VWC2: variants seen among roughly 807,000 people sequenced by gnomAD.
VWC2 encodes brorin.
Under a neutral mutation model 29.8 loss-of-function variants are expected in VWC2, and 14 were observed. That is an observed-to-expected ratio of 0.47 (90% CI 0.31 to 0.74). VWC2 has a LOEUF of 0.74. VWC2 is among the 30% of genes least tolerant of loss of function. The pLI, the probability that VWC2 is intolerant of heterozygous loss-of-function variation, is 0.05. For missense variants in VWC2, 457 were observed against 459.8 expected (o/e 0.99, Z 0.05); for synonymous variants, 213 against 199.0 (o/e 1.07, Z -0.59).
At chr7:49,881,760 A>G (rs1791672565) in intron 3 of VWC2, among the ~76,000 whole-genome samples, 1 of 152,144 alleles carries the variant, frequency 6.6e-6, no homozygotes, top group South Asian at 2.1e-4. Context: ...TCTTTAATTC[A>G]TCTCTTTTAA....
intron 2 of VWC2, among the ~76,000 whole-genome samples, chr7:49,781,269 T>C (rs1788171908): frequency 6.6e-6 from 1 of 151,928 alleles, no homozygotes; most frequent in Admixed American, 6.6e-5. Context: ...AAAGAGGGAG[T>C]CATATGCCAT....
intron 3 of VWC2, among the ~76,000 whole-genome samples, chr7:49,825,094 A>C (rs1461984701): frequency 1.3e-5 from 2 of 151,954 alleles, no homozygotes; most frequent in Non-Finnish European, 2.9e-5. Flanking sequence ...GCTTATCTTC[A>C]AGTTGATTAA....
At chr7:49,834,189 T>C (rs1789603006) in intron 3 of VWC2, among the ~76,000 whole-genome samples, 1 of 152,182 alleles carries the variant, frequency 6.6e-6, no homozygotes, top group Admixed American at 6.5e-5. Flanking sequence ...AGGGCTGTTC[T>C]GGTTAGCTGA....
intron 3 of VWC2, among the ~76,000 whole-genome samples, chr7:49,882,519 A>G (rs1791711911): frequency 6.6e-6 from 1 of 152,074 alleles, no homozygotes. Context: ...AGAGAAAAAG[A>G]GAGACAGAGG....
In VWC2 at chr7:49,862,035, A is replaced by G. The variant is rs575699399; in HGVS notation, c.827-49999A>G. Among the ~76,000 whole-genome samples the G allele has an allele frequency of 6.2e-4, 94 of 152,318 alleles. 3 individuals are homozygous for G. In the South Asian group the frequency reaches 0.019, roughly 31 times the overall value. On this transcript the variant is annotated intron_variant, in intron 3 of 3. Coordinates refer to ENST00000340652, the MANE Select transcript of VWC2 (RefSeq NM_198570.5). ...AAAAAATGGTTGTTGGAATTTTGAA[A>G]GGGATTGTATTGACTCTGTAGATTT... is the stretch of plus-strand genomic sequence containing the variant.
At chr7:49,894,902 A>G (rs1056986479) in intron 3 of VWC2, among the ~76,000 whole-genome samples, 1 of 152,250 alleles carries the variant, frequency 6.6e-6, no homozygotes, top group Non-Finnish European at 1.5e-5. Context: ...CGCCGAACAC[A>G]GCCTCTGCAT....
At chr7:49,860,232 G>A (rs1362898309) in intron 3 of VWC2, among the ~76,000 whole-genome samples, 4 of 151,978 alleles carry the variant, frequency 2.6e-5, no homozygotes, top group Admixed American at 6.5e-5. Context: ...GAAACCCTCC[G>A]CCTGTTAAGT....
At chr7:49,891,899 A>G (rs893106154) in intron 3 of VWC2, among the ~76,000 whole-genome samples, 1 of 152,244 alleles carries the variant, frequency 6.6e-6, no homozygotes, top group African/African-American at 2.4e-5. Flanking sequence ...GTAAATATCT[A>G]TCAAGAGTAG....
chr7:49,775,852 C>G lies in VWC2; in HGVS notation c.417C>G (p.Pro139=), dbSNP rs1269433061. 6.4e-7 allele frequency: 1 copy of G among 1,552,340 alleles called. No homozygotes were observed. Among genetic ancestry groups the G allele is most frequent in the Non-Finnish European group, 8.7e-7 (1 of 1,148,968 alleles). The change falls in exon 2 of 4, where the codon CCC becomes CCG. Residue 139 remains proline, a synonymous_variant. Coordinates refer to ENST00000340652, the MANE Select transcript of VWC2 (RefSeq NM_198570.5). The part of the protein sequence containing the change: ...DAIGPELAPT[P]EPPEEYVYPD... The stretch of plus-strand genomic sequence containing the variant: ...TTGGCCCGGAACTCGCGCCCACGCC[C>G]GAGCCACCCGAGGAGTACGTGTACC...
chr7:49,839,868 T>A (rs1361842404), intron 3 of VWC2, among the ~76,000 whole-genome samples: 1 of 152,232 alleles, frequency 6.6e-6, no homozygotes, highest in Non-Finnish European at 1.5e-5. Flanking sequence ...GTTAGAAGCA[T>A]TCAAAGAAGA....
intron 2 of VWC2, among the ~76,000 whole-genome samples, chr7:49,781,357 A>G (rs1278300906): frequency 6.6e-6 from 1 of 152,188 alleles, no homozygotes. Flanking sequence ...CATGTTCCAT[A>G]CAATATCTGA....
intron 1 of VWC2, among the ~76,000 whole-genome samples, chr7:49,774,631 G>A (rs1788011966): frequency 1.3e-5 from 2 of 152,182 alleles, no homozygotes; most frequent in Admixed American, 1.3e-4. Flanking sequence ...CGGCGACCTG[G>A]CTCCCAAGGC....
chr7:49,897,795 GA>G (rs1792463323), intron 3 of VWC2, among the ~76,000 whole-genome samples: 1 of 152,180 alleles, frequency 6.6e-6, no homozygotes, highest in Admixed American at 6.5e-5. Flanking sequence ...GGACAAGCTT[GA>G]AAGTAAAAAA....
intron 3 of VWC2, among the ~76,000 whole-genome samples, chr7:49,806,538 A>G (rs963882538): frequency 6.6e-6 from 1 of 152,210 alleles, no homozygotes; most frequent in Non-Finnish European, 1.5e-5. Flanking sequence ...AAAGTGAAAA[A>G]CATTTATGAC....
intron 3 of VWC2, among the ~76,000 whole-genome samples, chr7:49,869,574 A>T (rs1369335117): frequency 1.3e-5 from 2 of 152,218 alleles, no homozygotes; most frequent in African/African-American, 4.8e-5. Context: ...CAAAGATTGA[A>T]ATCCTTATTT....
Position 49,921,786 on chromosome 7 carries a change from A to G in VWC2, c.*9601A>G, listed in dbSNP as rs1158452823. The G allele has an allele frequency of 1.3e-5, 2 of 152,194 alleles. No homozygotes were observed. The highest frequency in any genetic ancestry group is 1.9e-4 in the East Asian group (1 of 5,200). 9.4% of individuals were successfully genotyped at this position (152,194 alleles called of 1,614,324 possible). A position where few individuals can be genotyped will look rare whatever the true frequency, so the allele number is the denominator to read the frequency against. ...TTTACATTTAACACATATAATTTAT[A>G]TCTTAGTTTTTATCCCATTTATATA... On this transcript the variant is annotated 3_prime_UTR_variant, in exon 4 of 4. Transcript: ENST00000340652.
intron 3 of VWC2, among the ~76,000 whole-genome samples, chr7:49,878,559 C>T (rs937972013): frequency 5.3e-5 from 8 of 152,130 alleles, no homozygotes; most frequent in African/African-American, 1.2e-4. Flanking sequence ...CAGCTCTCAA[C>T]GCTCGGTCTA....
chr7:49,806,723 T>A (rs1788886781), intron 3 of VWC2, among the ~76,000 whole-genome samples: 1 of 151,938 alleles, frequency 6.6e-6, no homozygotes, highest in Non-Finnish European at 1.5e-5. Flanking sequence ...CGGAATGGTG[T>A]GTGTGTGTGT....
At chr7:49,792,439 T>C (rs187204796) in intron 2 of VWC2, among the ~76,000 whole-genome samples, 19 of 152,336 alleles carry the variant, frequency 1.2e-4, no homozygotes, top group African/African-American at 4.3e-4. Context: ...TCTGCACTCC[T>C]GTGACCAGGC....
Sources: gnomAD v4.1 joint callset for allele counts (sites outside exome capture counted in the v4.1 genomes callset) on GRCh38, gnomAD v4.1.1 for gene constraint, MANE v1.5 for transcripts, NCBI Gene and HGNC (gene_info 2026-07-23, HGNC 2026-07-21) for gene names.